The following KLF8 variants were observed in gnomAD, a reference collection of about 807,000 sequenced individuals.
KLF8 encodes the protein KLF transcription factor 8, also known as Krueppel-like factor 8.
KLF8 carries 10 observed loss-of-function variants against 18.2 expected under a neutral mutation model. That is an observed-to-expected ratio of 0.55 (90% CI 0.34 to 0.93). The LOEUF is 0.93. Ranked by LOEUF, KLF8 falls within the 40% of genes least tolerant of loss-of-function variation. KLF8 has a pLI of 0.02. For missense variants in KLF8, 264 were observed against 277.9 expected, an observed-to-expected ratio of 0.95 and a Z score of 0.36; for synonymous variants, 109 against 97.3, an observed-to-expected ratio of 1.12 and a Z score of -0.71.
the KLF8 span, among the ~76,000 whole-genome samples, chrX:56,127,423 A>G: frequency 2.7e-5 from 3 of 111,244 alleles, no homozygotes; most frequent in East Asian, 8.5e-4. Flanking sequence ...AATCCCAGCA[A>G]TTTGAGGTGG....
the KLF8 span, among the ~76,000 whole-genome samples, chrX:56,000,642 A>C: frequency 9.0e-6 from 1 of 110,923 alleles, no homozygotes; most frequent in Admixed American, 9.6e-5. Flanking sequence ...AGATGTGTTC[A>C]TAGTAGTGTC....
the KLF8 span, among the ~76,000 whole-genome samples, chrX:56,078,869 G>T: frequency 2.8e-5 from 3 of 107,750 alleles, no homozygotes; most frequent in East Asian, 5.6e-4. Flanking sequence ...GTTTAGTCTT[G>T]GGAGAGTGTA....
chrX:56,148,409 G>A, the KLF8 span, among the ~76,000 whole-genome samples: 1 of 108,237 alleles, frequency 9.2e-6, no homozygotes, highest in Admixed American at 1.0e-4. Flanking sequence ...AAATACATTC[G>A]AACTTTAAAA....
chrX:56,068,763 G>A, the KLF8 span, among the ~76,000 whole-genome samples: 9 of 111,035 alleles, frequency 8.1e-5, no homozygotes, highest in Admixed American at 3.8e-4. Context: ...CAGCAGCCCC[G>A]CTTCTGCGTG....
the KLF8 span, among the ~76,000 whole-genome samples, chrX:56,088,377 A>AT: frequency 0.04 from 4,401 of 111,250 alleles, 235 homozygotes; most frequent in African/African-American, 0.14. Flanking sequence ...AATGTAAATC[A>AT]TTTTTGTTTA....
chrX:55,937,767 A>C, the KLF8 span, among the ~76,000 whole-genome samples: 23 of 112,366 alleles, frequency 2.0e-4, no homozygotes, highest in African/African-American at 7.4e-4. Context: ...TGGAAGAAAG[A>C]GTATCAGCGA....
the KLF8 span, among the ~76,000 whole-genome samples, chrX:56,008,118 C>CTATATATATATATATATA: frequency 3.0e-5 from 3 of 99,821 alleles, no homozygotes; most frequent in African/African-American, 1.1e-4. Context: ...TAGTGCAAAG[C>CTATATATATATATATATA]TATATATATA....
chrX:55,941,953 G>T, the KLF8 span, among the ~76,000 whole-genome samples: 1 of 111,654 alleles, frequency 9.0e-6, no homozygotes, highest in African/African-American at 3.3e-5. Flanking sequence ...ATGGAAGTCA[G>T]TGTGGCGATT....
At chrX:56,029,738 C>G in the KLF8 span, among the ~76,000 whole-genome samples, 1 of 111,809 alleles carries the variant, frequency 8.9e-6, no homozygotes. Flanking sequence ...TATTTCTTTA[C>G]AGTAGGCACA....
intron 1 of KLF8, among the ~76,000 whole-genome samples, chrX:56,234,196 T>C (rs2066443060): frequency 8.9e-6 from 1 of 112,108 alleles, no homozygotes. Context: ...TAAGCACCTG[T>C]CACCCAGTGT....
chrX:56,148,408 C>T, the KLF8 span, among the ~76,000 whole-genome samples: 207 of 109,084 alleles, frequency 1.9e-3, 2 homozygotes, highest in African/African-American at 6.6e-3. Context: ...AAAATACATT[C>T]GAACTTTAAA....
At chrX:56,172,037 G>C in the KLF8 span, among the ~76,000 whole-genome samples, 2 of 110,702 alleles carry the variant, frequency 1.8e-5, no homozygotes, top group African/African-American at 6.6e-5. Flanking sequence ...AGCACCTGTT[G>C]TTTCCTGACT....
chrX:56,034,902 C>T, the KLF8 span, among the ~76,000 whole-genome samples: 2 of 105,474 alleles, frequency 1.9e-5, no homozygotes, highest in Admixed American at 1.0e-4. Context: ...ACTACAGGCG[C>T]CCGCTACCAC....
the KLF8 span, among the ~76,000 whole-genome samples, chrX:56,070,170 A>C: frequency 9.0e-6 from 1 of 111,202 alleles, no homozygotes; most frequent in Non-Finnish European, 1.9e-5. Context: ...CAAACACAGC[A>C]TGTTCTCACT....
chrX:56,150,613 T>A, the KLF8 span, among the ~76,000 whole-genome samples: 2 of 111,106 alleles, frequency 1.8e-5, no homozygotes, highest in African/African-American at 6.5e-5. Context: ...CTGTGTTGGA[T>A]GCTCTTGGCC....
chrX:56,036,885 C>T, the KLF8 span, among the ~76,000 whole-genome samples: 1 of 111,323 alleles, frequency 9.0e-6, no homozygotes, highest in Non-Finnish European at 1.9e-5. Context: ...TAGAAATCTG[C>T]TACAACCTTC....
the KLF8 span, among the ~76,000 whole-genome samples, chrX:55,952,562 G>C: frequency 1.8e-5 from 2 of 112,010 alleles, no homozygotes; most frequent in African/African-American, 3.2e-5. Context: ...TCTGACTCTT[G>C]CCTTCCTCTT....
chrX:56,228,130 C>T (rs2066381246), upstream of KLF8, among the ~76,000 whole-genome samples: 1 of 112,349 alleles, frequency 8.9e-6, no homozygotes, highest in African/African-American at 3.2e-5. Context: ...TTTTTATAAA[C>T]TGGTTTATTT....
the KLF8 span, among the ~76,000 whole-genome samples, chrX:56,223,935 C>T: frequency 9.2e-6 from 1 of 109,252 alleles, no homozygotes; most frequent in Non-Finnish European, 1.9e-5. Flanking sequence ...ATTTTTTTGT[C>T]TTTTTTTTTC....
Sources: allele counts gnomAD v4.1 joint callset (sites outside exome capture counted in the v4.1 genomes callset), GRCh38; gene constraint gnomAD v4.1.1; transcripts MANE v1.5; gene names NCBI Gene and HGNC (gene_info 2026-07-23, HGNC 2026-07-21).